PLSCR4: variants seen among roughly 807,000 people sequenced by gnomAD.
The protein encoded by PLSCR4 is phospholipid scramblase 4.
In PLSCR4, 25 loss-of-function variants were observed where a neutral mutation model predicts 36.3. The ratio of observed to expected loss-of-function variants is 0.69; its 90% CI spans 0.50 to 0.96. The LOEUF (loss-of-function observed/expected upper bound fraction) is 0.96. Ranked by LOEUF, PLSCR4 falls within the 40% of genes least tolerant of loss-of-function variation. The probability of loss-of-function intolerance (pLI) is 0.00; values close to 1 mark genes in which losing one functional copy is unlikely to be tolerated. For synonymous variants in PLSCR4, 122 were observed against 132.9 expected (o/e 0.92, Z 0.56); for missense variants, 408 against 414.7 (o/e 0.98, Z 0.14).
Position 146,220,820 on chromosome 3 carries a change from A to C in PLSCR4, c.113T>G (p.Leu38Ter). Residue 38 changes from leucine to a stop codon, truncating the protein, a stop_gained, in exon 3 of 9, where the codon TTA becomes TGA. Transcript: ENST00000354952. LOFTEE classifies it high-confidence loss of function. The stretch of plus-strand genomic sequence containing the variant: ...TTTATGAATATTTAACCCACCTGGT[A>C]AAAAATGAGAATTGTATTCAGGAGG... ...DAPPEYNSHF[L>*]PGPPGTAVPP... is the part of the protein sequence containing the mutation. 1 of 1,585,780 alleles carries C rather than the reference A, an allele frequency of 6.3e-7. No homozygotes were observed. The highest frequency in any genetic ancestry group is 8.7e-7 in the Non-Finnish European group (1 of 1,155,436).
intron 1 of PLSCR4, among the ~76,000 whole-genome samples, chr3:146,229,717 C>T (rs10804709): frequency 0.61 from 92,766 of 151,034 alleles, 30,767 homozygotes; most frequent in Admixed American, 0.72. Context: ...CTCCGCCTCC[C>T]GGGTCCACGC....
chr3:146,209,598 T>C (rs1221330034), intron 3 of PLSCR4, among the ~76,000 whole-genome samples: 1 of 152,142 alleles, frequency 6.6e-6, no homozygotes, highest in Non-Finnish European at 1.5e-5. Flanking sequence ...CATTACTGCA[T>C]ATCTATCTAG....
intron 3 of PLSCR4, among the ~76,000 whole-genome samples, chr3:146,214,312 G>A (rs1220562766): frequency 2.9e-5 from 1 of 34,828 alleles, no homozygotes; most frequent in African/African-American, 9.1e-5. Context: ...TAGTAGAGAC[G>A]GGGTTTCACC....
intron 1 of PLSCR4, among the ~76,000 whole-genome samples, chr3:146,234,716 C>G (rs2035846436): frequency 6.6e-6 from 1 of 152,102 alleles, no homozygotes; most frequent in Non-Finnish European, 1.5e-5. Context: ...GAAGATGCAG[C>G]TTGGGATTGT....
chr3:146,204,167 T>C (rs9839874), intron 4 of PLSCR4, among the ~76,000 whole-genome samples: 114,386 of 151,830 alleles, frequency 0.75, 43,224 homozygotes, highest in South Asian at 0.81. Flanking sequence ...AAGTCACTGG[T>C]AAAGCCAAGA....
At chr3:146,213,218 T>C (rs1374579721) in intron 3 of PLSCR4, among the ~76,000 whole-genome samples, 1 of 152,306 alleles carries the variant, frequency 6.6e-6, no homozygotes, top group South Asian at 2.1e-4. Context: ...ATTTTGCTAA[T>C]TGGGTAATAC....
intron 4 of PLSCR4, among the ~76,000 whole-genome samples, chr3:146,206,035 T>G (rs2034309216): frequency 6.6e-6 from 1 of 152,076 alleles, no homozygotes; most frequent in Non-Finnish European, 1.5e-5. Flanking sequence ...AGCAATATTC[T>G]TTGTAGGGTC....
chr3:146,243,100 C>A (rs911015868), intron 1 of PLSCR4, among the ~76,000 whole-genome samples: 1 of 152,066 alleles, frequency 6.6e-6, no homozygotes, highest in Non-Finnish European at 1.5e-5. Context: ...ACACTTGGAC[C>A]ATTTTCAGAA....
At chr3:146,210,550 T>C in intron 3 of PLSCR4, among the ~76,000 whole-genome samples, 1 of 152,100 alleles carries the variant, frequency 6.6e-6, no homozygotes, top group Non-Finnish European at 1.5e-5. Flanking sequence ...CTGAGCCTCA[T>C]TCCAATCTAT....
At chr3:146,223,491 C>T (rs1358243056) in intron 1 of PLSCR4, among the ~76,000 whole-genome samples, 4 of 152,176 alleles carry the variant, frequency 2.6e-5, no homozygotes, top group African/African-American at 9.7e-5. Context: ...ATGTACTTTT[C>T]AATATGTGAT....
At position 146,212,437 on chromosome 3, in the gene PLSCR4, G is replaced by GTT. The variant is rs56774201; in HGVS notation, c.119-5678_119-5677dup. ...GGGTATATATGGGTTTTTTTGTTTT[G>GTT]TTTTTTTTTGTTTTTTGGGTTTTTT... is the stretch of plus-strand genomic sequence containing the variant. On this transcript the variant is annotated intron_variant, in intron 3 of 8. Coordinates refer to ENST00000354952, the MANE Select transcript of PLSCR4 (RefSeq NM_020353.3). Among the ~76,000 whole-genome samples the GTT allele has an allele frequency of 1.9e-3, 272 of 143,530 alleles. 1 individual carries two copies. The highest frequency in any genetic ancestry group is 4.2e-3 in the African/African-American group (165 of 39,276). The allele number at this position is 143,530 out of a possible 152,430, so 94.2% of individuals were successfully genotyped here.
At chr3:146,246,301 T>G (rs2036336148) in intron 1 of PLSCR4, among the ~76,000 whole-genome samples, 1 of 152,060 alleles carries the variant, frequency 6.6e-6, no homozygotes, top group South Asian at 2.1e-4. Flanking sequence ...CCTAAGATTT[T>G]TATTGTGTTG....
rs770139251 is a variant in PLSCR4 at position 146,222,068 on chromosome 3, A to T, written c.4T>A (p.Ser2Thr). The T allele has an allele frequency of 2.1e-5, 26 of 1,222,690 alleles. No homozygotes were observed. The highest frequency in any genetic ancestry group is 1.1e-6 in the Non-Finnish European group (1 of 890,866). The allele number at this position is 1,222,690 out of a possible 1,614,324, so 75.7% of individuals were successfully genotyped here. Residue 2 changes from serine (S) to threonine (T), a missense_variant, in exon 2 of 9, where the codon TCA (serine) becomes ACA (threonine). Physicochemically the swap from Ser to Thr is moderately conservative, Grantham distance 58. Transcript: ENST00000354952. Reference sequence around the variant, plus strand: ...AAATTTATTCACAAAAACTTACCTGACATTTTGAAGAATTCCAATTAATCC... The same window carrying T: ...AAATTTATTCACAAAAACTTACCTGTCATTTTGAAGAATTCCAATTAATCC... M[S>T]GVVPTAPEQP... is the part of the protein sequence containing the mutation.
At chr3:146,207,147 CAT>C (rs1280659639) in intron 3 of PLSCR4, among the ~76,000 whole-genome samples, 1 of 152,030 alleles carries the variant, frequency 6.6e-6, no homozygotes. Context: ...TAATTACTAA[CAT>C]ATAATTACTC....
At chr3:146,224,664 AC>A (rs1362613134) in intron 1 of PLSCR4, among the ~76,000 whole-genome samples, 1 of 151,972 alleles carries the variant, frequency 6.6e-6, no homozygotes, top group Non-Finnish European at 1.5e-5. Context: ...AAAAGCTTCC[AC>A]AGTGTGGAAG....
intron 3 of PLSCR4, among the ~76,000 whole-genome samples, chr3:146,220,437 A>G (rs1362447112): frequency 1.3e-5 from 2 of 152,194 alleles, no homozygotes; most frequent in Non-Finnish European, 2.9e-5. Flanking sequence ...TGCTAAGGAT[A>G]GTCCTTTCCC....
chr3:146,246,035 T>G (rs537813323), intron 1 of PLSCR4, among the ~76,000 whole-genome samples: 6 of 152,228 alleles, frequency 3.9e-5, no homozygotes, highest in African/African-American at 1.4e-4. Flanking sequence ...TTCAGTCATT[T>G]CTGTAGACAT....
intron 7 of PLSCR4, 171 bp downstream of exon 7, chr3:146,196,461 A>C (rs1488835144): frequency 1.6e-6 from 1 of 619,222 alleles, no homozygotes; most frequent in South Asian, 2.4e-5. Flanking sequence ...GGAAAACCTC[A>C]ATCTACTCAC....
At chr3:146,214,857 T>C (rs2034819881) in intron 3 of PLSCR4, among the ~76,000 whole-genome samples, 1 of 152,162 alleles carries the variant, frequency 6.6e-6, no homozygotes, top group Non-Finnish European at 1.5e-5. Context: ...CTATCTATTA[T>C]TGTAAGTGGG....
Sources: gnomAD v4.1 joint callset for allele counts (sites outside exome capture counted in the v4.1 genomes callset) on GRCh38, gnomAD v4.1.1 for gene constraint, MANE v1.5 for transcripts, NCBI Gene and HGNC (gene_info 2026-07-23, HGNC 2026-07-21) for gene names.